Variants in PRUNE2 observed in about 807,000 individuals in gnomAD.
PRUNE2 encodes the protein prune homolog 2 with BCH domain.
A neutral mutation model predicts 252.0 loss-of-function variants in PRUNE2; 164 were observed. The ratio of observed to expected loss-of-function variants is 0.65; its 90% CI spans 0.57 to 0.74. The LOEUF is 0.74. PRUNE2 is among the 30% of genes least tolerant of loss of function. PRUNE2 has a pLI of 0.00. For missense variants in PRUNE2, 3,495 were observed against 3,711.0 expected (o/e 0.94, Z 1.51); for synonymous variants, 1,292 against 1,350.2 (o/e 0.96, Z 0.94).
At chr9:76,740,990 C>T (rs1046872217) in intron 6 of PRUNE2, among the ~76,000 whole-genome samples, 1 of 152,096 alleles carries the variant, frequency 6.6e-6, no homozygotes, top group African/African-American at 2.4e-5. Flanking sequence ...AGAGATAGGG[C>T]CACATTAAGA....
intron 6 of PRUNE2, chr9:76,788,467 T>A (rs1478761468): frequency 1.4e-6 from 1 of 737,310 alleles, no homozygotes; most frequent in Non-Finnish European, 2.5e-6. Flanking sequence ...GGAGCCAGAG[T>A]TCCTGGATTG....
chr9:76,893,506 GAAA>G (rs2062618940), intron 1 of PRUNE2, among the ~76,000 whole-genome samples: 1 of 152,204 alleles, frequency 6.6e-6, no homozygotes, highest in Admixed American at 6.5e-5. Flanking sequence ...AAATCCTGCT[GAAA>G]GCAGAAGTCC....
chr9:76,837,928 C>G (rs111373248), intron 4 of PRUNE2, among the ~76,000 whole-genome samples: 1 of 151,412 alleles, frequency 6.6e-6, no homozygotes, highest in Admixed American at 6.6e-5. Flanking sequence ...CCTGCCACCA[C>G]GCCCAGCTAA....
intron 4 of PRUNE2, among the ~76,000 whole-genome samples, chr9:76,828,056 T>A (rs1438451895): frequency 6.6e-6 from 1 of 152,206 alleles, no homozygotes; most frequent in Non-Finnish European, 1.5e-5. Flanking sequence ...GATTAGAGGT[T>A]ACAAATAAGT....
intron 1 of PRUNE2, among the ~76,000 whole-genome samples, chr9:76,855,082 A>T (rs12554884): frequency 0.02 from 2,187 of 109,150 alleles, 35 homozygotes; most frequent in East Asian, 0.053. Flanking sequence ...AAAAAAAAAA[A>T]ATATATATAT....
intron 17 of PRUNE2, 87 bp downstream of exon 17, chr9:76,624,364 TA>T: frequency 1.2e-6 from 1 of 847,500 alleles, no homozygotes; most frequent in Non-Finnish European, 1.7e-6. Flanking sequence ...GAAGCAGGAA[TA>T]AAACACCAGG....
intron 6 of PRUNE2, among the ~76,000 whole-genome samples, chr9:76,722,900 T>C (rs2047768127): frequency 6.6e-6 from 1 of 152,268 alleles, no homozygotes; most frequent in Non-Finnish European, 1.5e-5. Context: ...TCACCAAAGA[T>C]ATTATTGATT....
At chr9:76,622,166 T>A (rs1452096014) in intron 17 of PRUNE2, among the ~76,000 whole-genome samples, 1 of 152,220 alleles carries the variant, frequency 6.6e-6, no homozygotes, top group East Asian at 1.9e-4. Context: ...TTATGCAGCA[T>A]AAATTTACTG....
chr9:76,738,237 C>T (rs543140621), intron 6 of PRUNE2: 2 of 152,124 alleles, frequency 1.3e-5, no homozygotes, highest in Non-Finnish European at 2.9e-5. Context: ...AGCGAGCAAC[C>T]GAGCTGACTG....
chr9:76,799,328 T>A, intron 6 of PRUNE2, among the ~76,000 whole-genome samples: 1 of 135,114 alleles, frequency 7.4e-6, no homozygotes, highest in Admixed American at 7.7e-5. Context: ...AAAACAAGAG[T>A]GAAACTCTGT....
intron 6 of PRUNE2, among the ~76,000 whole-genome samples, chr9:76,747,299 G>A (rs552500366): frequency 8.5e-5 from 13 of 152,218 alleles, no homozygotes; most frequent in African/African-American, 2.9e-4. Flanking sequence ...TTCTTTTAAC[G>A]AGAATCAGTG....
chr9:76,870,897 T>C lies in PRUNE2; in HGVS notation c.37-16689A>G, dbSNP rs529373361. 7.9e-5 allele frequency among the ~76,000 whole-genome samples: 12 copies of C among 152,144 alleles called. No homozygotes were observed. In the South Asian group the frequency reaches 2.3e-3, roughly 29 times the overall value. On this transcript the variant is annotated intron_variant, in intron 1 of 18. Coordinates refer to ENST00000376718, the MANE Select transcript of PRUNE2 (RefSeq NM_015225.3). ...TACGGCAGCAAAGAGTACCTCACCATTGCACAACTCCAGGGAGTGCCATTC... is the reference window on the plus strand; with the variant it reads ...TACGGCAGCAAAGAGTACCTCACCACTGCACAACTCCAGGGAGTGCCATTC...
In PRUNE2 at chr9:76,846,671, T is replaced by C. The variant is rs1292818937; in HGVS notation, c.352A>G (p.Lys118Glu). 6.2e-6 allele frequency: 10 copies of C among 1,613,668 alleles called. No homozygotes were observed. In the Admixed American group the frequency reaches 8.3e-5, roughly 13 times the overall value. ...TTGACAACTGCTGATTCTAAAGTTTTGTCTTCACTGTAAAGCAAATGGAGG... is the reference window on the plus strand; with the variant it reads ...TTGACAACTGCTGATTCTAAAGTTTCGTCTTCACTGTAAAGCAAATGGAGG... ...VGSSVLASEDKTLESAVVKVI... is the reference protein window; with the variant it reads ...VGSSVLASEDETLESAVVKVI... The change falls in exon 4 of 19, where the codon AAA (lysine) becomes GAA (glutamate). Residue 118 changes from lysine to glutamate, a missense_variant. By Grantham distance (56) the Lys-to-Glu change is moderately conservative. Transcript: ENST00000376718.
At chr9:76,644,237 T>C (rs965246879) in intron 12 of PRUNE2, among the ~76,000 whole-genome samples, 1 of 152,062 alleles carries the variant, frequency 6.6e-6, no homozygotes, top group Non-Finnish European at 1.5e-5. Context: ...TTTAATGTAG[T>C]TTACTAGTTT....
At position 76,638,204 on chromosome 9, in the gene PRUNE2, A is replaced by G. The variant is rs1262269118; in HGVS notation, c.8813T>C (p.Val2938Ala). The change falls in exon 13 of 19, where the codon GTC becomes GCC. Residue 2938 changes from valine (V) to alanine (A), a missense_variant. Coordinates refer to ENST00000376718, the MANE Select transcript of PRUNE2 (RefSeq NM_015225.3). The part of the protein sequence containing the change: ...PDSSRADYHY[V>A]MENLFLYVIS... ...CACTCACAGGAAAAGATTTTCCATG[A>G]CATAGTGGTAATCCGCCCGACTGCT... 1 of 1,612,894 alleles carries G rather than the reference A, an allele frequency of 6.2e-7. No homozygotes were observed.
At chr9:76,724,476 C>T (rs2047933262) in intron 6 of PRUNE2, among the ~76,000 whole-genome samples, 1 of 151,836 alleles carries the variant, frequency 6.6e-6, no homozygotes, top group African/African-American at 2.4e-5. Flanking sequence ...GACCCTGTCA[C>T]ACAGACACAC....
chr9:76,733,257 C>T (rs965530294), intron 6 of PRUNE2, among the ~76,000 whole-genome samples: 1 of 152,216 alleles, frequency 6.6e-6, no homozygotes, highest in Admixed American at 6.5e-5. Context: ...TGCTACTGCA[C>T]ATCAACACAG....
rs541620534 is a variant in PRUNE2 at position 76,885,952 on chromosome 9, G to C, written c.36+19976C>G. Among the ~76,000 whole-genome samples, 4 of 152,044 alleles carry C rather than the reference G, an allele frequency of 2.6e-5. No homozygotes were observed. The East Asian group carries it at 5.8e-4, about 22-fold the overall frequency. On this transcript the variant is annotated intron_variant, in intron 1 of 18. Transcript: ENST00000376718. ...CCCAGCACTTTGGGAGGCCAAGGTG[G>C]CCAGATCACGAGGTCAAGAGATCAA...
intron 9 of PRUNE2, among the ~76,000 whole-genome samples, chr9:76,682,808 T>C (rs753765916): frequency 2.9e-4 from 44 of 151,904 alleles, no homozygotes; most frequent in African/African-American, 1.0e-3. Context: ...CTTGAAATAT[T>C]TGTCTATTCT....
Sources: gnomAD v4.1 joint callset for allele counts (sites outside exome capture counted in the v4.1 genomes callset) on GRCh38, gnomAD v4.1.1 for gene constraint, MANE v1.5 for transcripts, NCBI Gene and HGNC (gene_info 2026-07-23, HGNC 2026-07-21) for gene names.